The following NAA16 variants were observed in gnomAD, a reference collection of about 807,000 sequenced individuals.
NAA16 encodes the protein NARG1-like protein.
NAA16 carries 97 observed loss-of-function variants against 110.3 expected under a neutral mutation model. The observed-to-expected ratio is 0.88, with a 90% CI of 0.75 to 1.04. NAA16 has a LOEUF of 1.04. Among genes scored for constraint, NAA16 ranks in the 50% least tolerant of loss-of-function variants. NAA16 has a pLI of 0.00. For synonymous variants in NAA16, 372 were observed against 330.6 expected (o/e 1.13, Z -1.36); for missense variants, 1,017 against 1,005.1 (o/e 1.01, Z -0.16).
At chr13:41,338,717 T>C (rs1389451680) in intron 9 of NAA16, among the ~76,000 whole-genome samples, 1 of 152,210 alleles carries the variant, frequency 6.6e-6, no homozygotes, top group Non-Finnish European at 1.5e-5. Context: ...ATATTTATTT[T>C]TCAATTAAAT....
chr13:41,360,460 A>G (rs1286467179), intron 12 of NAA16, among the ~76,000 whole-genome samples: 1 of 152,224 alleles, frequency 6.6e-6, no homozygotes, highest in East Asian at 1.9e-4. Context: ...CAGAAAGCCC[A>G]GTGACACTGG....
In NAA16 at chr13:41,318,480, G is replaced by T. The variant is rs113051204; in HGVS notation, c.140-326G>T. Among the ~76,000 whole-genome samples, 967 of 152,286 alleles carry T rather than the reference G, an allele frequency of 6.3e-3. 9 individuals are homozygous for T. Among genetic ancestry groups the T allele is most frequent in the African/African-American group, 0.022 (925 of 41,560 alleles). The stretch of plus-strand genomic sequence containing the variant: ...GCCTCCCTGAGTGCTGGGATTACAG[G>T]CGTGAGCCATTGCACCTGGCCTGCT... On this transcript the variant is annotated intron_variant, in intron 2 of 19. Transcript: ENST00000379406.
chr13:41,361,919 C>G, intron 12 of NAA16, 112 bp from the exon 13 acceptor site: 1 of 1,127,360 alleles, frequency 8.9e-7, no homozygotes, highest in South Asian at 1.5e-5. Flanking sequence ...GATATATTTG[C>G]TAATTGCTGC....
At chr13:41,341,175 G>C (rs2042535880) in intron 9 of NAA16, among the ~76,000 whole-genome samples, 1 of 152,146 alleles carries the variant, frequency 6.6e-6, no homozygotes, top group Non-Finnish European at 1.5e-5. Context: ...TATTAGGTCT[G>C]CTTGGTACAG....
chr13:41,367,390 C>T (rs368332279), intron 13 of NAA16, 49 bp from the exon 14 acceptor site: 3 of 1,301,318 alleles, frequency 2.3e-6, no homozygotes, highest in African/African-American at 1.5e-5. Flanking sequence ...TAAAGGTAGA[C>T]ATTATTGACA....
intron 1 of NAA16, among the ~76,000 whole-genome samples, chr13:41,313,587 A>G (rs1197747264): frequency 6.6e-6 from 1 of 152,236 alleles, no homozygotes; most frequent in Non-Finnish European, 1.5e-5. Context: ...TTTTCTATTG[A>G]AAAAATTCAA....
At chr13:41,333,552 C>T (rs1322639762) in intron 8 of NAA16, among the ~76,000 whole-genome samples, 1 of 152,064 alleles carries the variant, frequency 6.6e-6, no homozygotes, top group Non-Finnish European at 1.5e-5. Context: ...GACTTCTCCT[C>T]CTTTTATTGG....
At position 41,375,604 on chromosome 13, in the gene NAA16, A is replaced by G. The variant is rs2043413895; in HGVS notation, c.*2A>G. 1 of 1,610,828 alleles carries G rather than the reference A, an allele frequency of 6.2e-7. No individual in the cohort carries two copies. Among genetic ancestry groups the G allele is most frequent in the Non-Finnish European group, 8.5e-7 (1 of 1,177,728 alleles). ...GATGTCTTGGCAAATGAAATTTGAA[A>G]TCTTCTAGAAAGTAGACTCCTATAG... is the stretch of plus-strand genomic sequence containing the variant. On this transcript the variant is annotated 3_prime_UTR_variant, in exon 20 of 20. Transcript: ENST00000379406.
rs76539302 is a variant in NAA16 at position 41,319,044 on chromosome 13, C to G, written c.244+134C>G. The G allele has an allele frequency of 3.5e-3, 1,556 of 438,760 alleles. 19 individuals are homozygous for G. The highest frequency in any genetic ancestry group is 0.028 in the African/African-American group (1,400 of 49,368). The allele number at this position is 438,760 out of a possible 1,614,324, so 27.2% of individuals were successfully genotyped here. On this transcript the variant is annotated intron_variant, in intron 3 of 19. Transcript: ENST00000379406. ...TGAACTCTGTGTATCCATTACTCAA[C>G]TATAATCATTATCAACATTTTGTAA...
rs41288287 is a variant in NAA16, at chr13:41,375,825, C to T, written c.*223C>T. 0.081 allele frequency: 32,938 copies of T among 404,616 alleles called. 1,615 individuals carry two copies. The highest frequency in any genetic ancestry group is 0.17 in the East Asian group (4,192 of 25,180). The allele number at this position is 404,616 out of a possible 1,614,324, so 25.1% of individuals were successfully genotyped here. ...TACACAGTTTTGTGGTAGCTCCGAT[C>T]GCTTCTGTATAATTATAATTTCTTA... On this transcript the variant is annotated 3_prime_UTR_variant, in exon 20 of 20. Transcript: ENST00000379406.
In NAA16 at chr13:41,376,937, T is replaced by C. The variant is rs2043435793; in HGVS notation, c.*1335T>C. The C allele has an allele frequency of 6.6e-6, 1 of 152,210 alleles. No individual in the cohort carries two copies. The highest frequency in any genetic ancestry group is 2.1e-4 in the South Asian group (1 of 4,830). The allele number at this position is 152,210 out of a possible 1,614,324, so 9.4% of individuals were successfully genotyped here. ...GACACACATTTTCTTTTCACCCTAA[T>C]CTATTTAGATTCATACTTATTGAGA... On this transcript the variant is annotated 3_prime_UTR_variant, in exon 20 of 20. Coordinates refer to ENST00000379406, the MANE Select transcript of NAA16 (RefSeq NM_024561.5).
Position 41,362,066 on chromosome 13 carries a change from G to A in NAA16, c.1446G>A (p.Met482Ile), listed in dbSNP as rs370187358. ...GTSAMENLNE[M>I]QCMWFQTECI... ...CTGCCATGGAAAATCTAAATGAAATGCAGTGTATGTGGTTTCAGACAGAAT... is the reference window on the plus strand; with the variant it reads ...CTGCCATGGAAAATCTAAATGAAATACAGTGTATGTGGTTTCAGACAGAAT... The change falls in exon 13 of 20, where the codon ATG (methionine) becomes ATA (isoleucine). Residue 482 changes from methionine to isoleucine, a missense_variant. Transcript: ENST00000379406. The A allele has an allele frequency of 1.9e-6, 3 of 1,611,650 alleles. No homozygotes were observed. The highest frequency in any genetic ancestry group is 2.5e-6 in the Non-Finnish European group (3 of 1,179,042).
intron 15 of NAA16, among the ~76,000 whole-genome samples, chr13:41,369,657 G>C (rs941876336): frequency 1.3e-5 from 2 of 152,170 alleles, no homozygotes; most frequent in Non-Finnish European, 2.9e-5. Flanking sequence ...ATCGTCAAAA[G>C]GGGCCTTAAA....
At chr13:41,321,102 C>G (rs1246527854) in intron 4 of NAA16, among the ~76,000 whole-genome samples, 1 of 152,128 alleles carries the variant, frequency 6.6e-6, no homozygotes, top group Non-Finnish European at 1.5e-5. Flanking sequence ...GAGTTAGAAA[C>G]CAGCCTGGGC....
chr13:41,322,308 A>C (rs924974927), intron 4 of NAA16, among the ~76,000 whole-genome samples: 4 of 152,142 alleles, frequency 2.6e-5, no homozygotes, highest in Non-Finnish European at 4.4e-5. Context: ...AGTGTCATCA[A>C]ATGATAGTGT....
intron 6 of NAA16, among the ~76,000 whole-genome samples, chr13:41,327,622 T>A (rs2042127476): frequency 6.6e-6 from 1 of 151,998 alleles, no homozygotes; most frequent in Admixed American, 6.5e-5. Context: ...CTTTGCTTCA[T>A]GGTAGTAGCA....
intron 16 of NAA16, 179 bp from the exon 17 acceptor site, chr13:41,372,553 T>C (rs2043343156): frequency 1.0e-6 from 1 of 985,324 alleles, no homozygotes; most frequent in African/African-American, 1.7e-5. Flanking sequence ...TTATGATTTT[T>C]CAAGCTTTTC....
intron 9 of NAA16, among the ~76,000 whole-genome samples, chr13:41,337,673 C>G: frequency 6.8e-6 from 1 of 147,664 alleles, no homozygotes; most frequent in Non-Finnish European, 1.5e-5. Context: ...AGTCTAAAAT[C>G]TTGTTGTCTT....
intron 6 of NAA16, among the ~76,000 whole-genome samples, chr13:41,327,428 A>C (rs976014241): frequency 1.3e-5 from 2 of 149,622 alleles, no homozygotes; most frequent in Non-Finnish European, 3.0e-5. Context: ...AATGCATTCA[A>C]TATAATCCAT....
Sources: allele counts gnomAD v4.1 joint callset (sites outside exome capture counted in the v4.1 genomes callset), GRCh38; gene constraint gnomAD v4.1.1; transcripts MANE v1.5; gene names NCBI Gene and HGNC (gene_info 2026-07-23, HGNC 2026-07-21).